Variants in HNRNPL observed in about 807,000 individuals in gnomAD.
HNRNPL encodes the protein epididymis secretory sperm binding protein.
HNRNPL carries 12 observed loss-of-function variants against 64.0 expected under a neutral mutation model. The observed-to-expected ratio is 0.19, with a 90% CI of 0.12 to 0.30. The LOEUF is 0.30. HNRNPL is among the 10% of genes least tolerant of loss of function. The pLI is 1.00. For synonymous variants in HNRNPL, 385 were observed against 313.0 expected, an observed-to-expected ratio of 1.23 and a Z score of -2.43; for missense variants, 484 against 797.4, an observed-to-expected ratio of 0.61 and a Z score of 4.73.
intron 2 of HNRNPL, among the ~76,000 whole-genome samples, chr19:38,846,806 G>A (rs921916082): frequency 6.6e-6 from 1 of 152,190 alleles, no homozygotes. Context: ...TACTCGGGAG[G>A]CTGAGGCAGG....
chr19:38,844,946 T>C (rs982768118), intron 4 of HNRNPL: 6 of 152,036 alleles, frequency 3.9e-5, no homozygotes, highest in East Asian at 1.9e-4. Context: ...TGACCTCAGG[T>C]ATCTGTCCAC....
intron 12 of HNRNPL, 127 bp from the exon 13 acceptor site, chr19:38,836,907 C>A: frequency 1.6e-6 from 1 of 635,706 alleles, no homozygotes; most frequent in South Asian, 2.1e-5. Flanking sequence ...AGTGACTGCC[C>A]AACGTGAGGC....
Position 38,845,916 on chromosome 19 carries a change from G to A in HNRNPL, c.561C>T (p.Asp187=). ...QKISRPGDSD[D]SRSVNSVLLF... is the part of the protein sequence containing the mutation. ...GAAGCACACTGTTCACGCTCCGGGA[G>A]TCATCCGAGTCCCCAGGGCGGGAGA... Residue 187 remains aspartate (D), a synonymous_variant, in exon 3 of 13, where the codon GAC becomes GAT. Coordinates refer to ENST00000221419, the MANE Select transcript of HNRNPL (RefSeq NM_001533.3). 6.2e-7 allele frequency: 1 copy of A among 1,614,214 alleles called. No homozygotes were observed. Among genetic ancestry groups the A allele is most frequent in the East Asian group, 2.2e-5 (1 of 44,892 alleles).
intron 1 of HNRNPL, among the ~76,000 whole-genome samples, chr19:38,849,136 T>A (rs923198090): frequency 6.6e-6 from 1 of 152,246 alleles, no homozygotes; most frequent in Non-Finnish European, 1.5e-5. Flanking sequence ...AGGCTAAAAG[T>A]GCATTTCACA....
intron 6 of HNRNPL, chr19:38,841,490 T>A: frequency 2.2e-6 from 1 of 464,520 alleles, no homozygotes; most frequent in East Asian, 7.0e-5. Flanking sequence ...ACCACTGCCC[T>A]TTCCTGCCAC....
chr19:38,851,840 A>AG (rs1972510653), upstream of HNRNPL, among the ~76,000 whole-genome samples: 1 of 151,734 alleles, frequency 6.6e-6, no homozygotes, highest in African/African-American at 2.4e-5. Flanking sequence ...AAGTTAGGGG[A>AG]GGGGGCCTTG....
intron 1 of HNRNPL, among the ~76,000 whole-genome samples, chr19:38,848,013 G>A (rs904920979): frequency 6.6e-6 from 1 of 152,186 alleles, no homozygotes; most frequent in Non-Finnish European, 1.5e-5. Flanking sequence ...ACCCCTTCTA[G>A]TCTTGAATCG....
At chr19:38,846,225 A>AGTG (rs1972290257) in intron 2 of HNRNPL, 135 bp from the exon 3 acceptor site, 3 of 729,738 alleles carry the variant, frequency 4.1e-6, no homozygotes, top group Non-Finnish European at 7.3e-6. Flanking sequence ...CCCCGACCTG[A>AGTG]ACACCCTGTG....
At chr19:38,840,674 T>C in intron 6 of HNRNPL, 115 bp from the exon 7 acceptor site, 3 of 820,466 alleles carry the variant, frequency 3.7e-6, no homozygotes, top group Non-Finnish European at 4.0e-6. Context: ...AGCCCTCCCT[T>C]CCTCGAGGGC....
chr19:38,842,675 C>T (rs11539300), intron 6 of HNRNPL, among the ~76,000 whole-genome samples: 1 of 152,046 alleles, frequency 6.6e-6, no homozygotes, highest in Non-Finnish European at 1.5e-5. Context: ...GGCAGAGCCG[C>T]TGAAGTATGG....
At chr19:38,845,822 G>A in intron 3 of HNRNPL, 31 bp downstream of exon 3, 2 of 1,599,912 alleles carry the variant, frequency 1.3e-6, no homozygotes, top group Non-Finnish European at 1.7e-6. Context: ...AAGGAAGGGA[G>A]ACCTCACAAG....
rs745855381 is a variant in HNRNPL, at chr19:38,849,820, G to A, written c.147C>T (p.Gly49=). Residue 49 remains glycine, a synonymous_variant, in exon 1 of 13, where the codon GGC becomes GGT. Coordinates refer to ENST00000221419, the MANE Select transcript of HNRNPL (RefSeq NM_001533.3). ...GGGCCCGGCCGCCCTCACTGCCGCC[G>A]CCGTAGTAGCGGCCACCGCCGCCTC... The part of the protein sequence containing the change: ...GGGGGGGRYY[G]GGSEGGRAPK... 1.1e-4 allele frequency: 138 copies of A among 1,272,568 alleles called. No individual in the cohort carries two copies. The African/African-American group carries it at 1.8e-3, about 16-fold the overall frequency. 78.8% of individuals were successfully genotyped at this position (1,272,568 alleles called of 1,614,324 possible).
At chr19:38,849,406 C>A in intron 1 of HNRNPL, 1 of 356,586 alleles carries the variant, frequency 2.8e-6, no homozygotes, top group Non-Finnish European at 5.0e-6. Flanking sequence ...ACCGGCCGGG[C>A]CGCGTGCCCG....
Position 38,840,277 on chromosome 19 carries a change from C to G in HNRNPL, c.1052G>C (p.Gly351Ala), listed in dbSNP as rs966704518. 5.1e-6 allele frequency: 8 copies of G among 1,576,332 alleles called. No individual in the cohort carries two copies. Among genetic ancestry groups the G allele is most frequent in the Non-Finnish European group, 6.9e-6 (8 of 1,161,000 alleles). ...GTAGCGACTTGGGCCCCGACGGTGACCCCCCACTGGTGGACCCATCCTTCT... is the reference window on the plus strand; with the variant it reads ...GTAGCGACTTGGGCCCCGACGGTGAGCCCCCACTGGTGGACCCATCCTTCT... ...EGRRMGPPVG[G>A]HRRGPSRYGP... is the part of the protein sequence containing the mutation. The change falls in exon 8 of 13, where the codon GGT (glycine) becomes GCT (alanine). Residue 351 changes from glycine (G) to alanine (A), a missense_variant. Transcript: ENST00000221419.
At chr19:38,840,454 CG>C (rs1568369061) in intron 7 of HNRNPL, 33 bp downstream of exon 7, 3 of 1,566,890 alleles carry the variant, frequency 1.9e-6, no homozygotes, top group Admixed American at 4.0e-5. Flanking sequence ...ACATGAGCCA[CG>C]GGAGTCCACG....
chr19:38,850,581 A>G (rs150378374), upstream of HNRNPL, among the ~76,000 whole-genome samples: 133 of 152,322 alleles, frequency 8.7e-4, no homozygotes, highest in African/African-American at 3.1e-3. Flanking sequence ...GGTGCAGTAT[A>G]CGAAACGAGC....
intron 4 of HNRNPL, chr19:38,845,040 A>AG (rs1972244137): frequency 6.6e-6 from 1 of 152,200 alleles, no homozygotes; most frequent in African/African-American, 2.4e-5. Context: ...TCCTTTTCCC[A>AG]GGGGCACATT....
intron 1 of HNRNPL, among the ~76,000 whole-genome samples, chr19:38,848,684 TC>T (rs1972388447): frequency 6.6e-6 from 1 of 152,212 alleles, no homozygotes; most frequent in Non-Finnish European, 1.5e-5. Flanking sequence ...GAGTTCTAAC[TC>T]CAGCCCTGCC....
At chr19:38,837,520 A>AC in intron 11 of HNRNPL, 41 bp from the exon 12 acceptor site, 4 of 1,612,002 alleles carry the variant, frequency 2.5e-6, no homozygotes, top group Non-Finnish European at 3.4e-6. Context: ...TTTTAGACTC[A>AC]CCCAATAGGA....
Sources: allele counts gnomAD v4.1 joint callset (sites outside exome capture counted in the v4.1 genomes callset), GRCh38; gene constraint gnomAD v4.1.1; transcripts MANE v1.5; gene names NCBI Gene and HGNC (gene_info 2026-07-23, HGNC 2026-07-21).